Variants in FOXN3 observed in about 807,000 individuals in gnomAD.
FOXN3 encodes the protein forkhead box N3, also known as forkhead box protein N3.
Under a neutral mutation model 38.4 loss-of-function variants are expected in FOXN3, and 7 were observed. The observed-to-expected ratio is 0.18, with a 90% CI of 0.10 to 0.34. The LOEUF (loss-of-function observed/expected upper bound fraction) is 0.34. FOXN3 is among the 10% of genes least tolerant of loss of function. The pLI, the probability that FOXN3 is intolerant of heterozygous loss-of-function variation, is 1.00. For synonymous variants in FOXN3, 230 were observed against 242.2 expected (o/e 0.95, Z 0.47); for missense variants, 456 against 613.4 (o/e 0.74, Z 2.71).
At chr14:89,261,981 G>A (rs1885821377) in intron 4 of FOXN3, among the ~76,000 whole-genome samples, 1 of 152,098 alleles carries the variant, frequency 6.6e-6, no homozygotes. Context: ...GTGGGCACCT[G>A]TAGTCCCAGC....
intron 2 of FOXN3, among the ~76,000 whole-genome samples, chr14:89,402,340 C>T (rs1891271504): frequency 6.6e-6 from 1 of 152,180 alleles, no homozygotes; most frequent in Non-Finnish European, 1.5e-5. Flanking sequence ...TCCAACAGTC[C>T]CTATTCTTAT....
intron 3 of FOXN3, among the ~76,000 whole-genome samples, chr14:89,334,479 G>T (rs4899982): frequency 0.16 from 24,999 of 151,542 alleles, 2,184 homozygotes; most frequent in Middle Eastern, 0.23. Context: ...GTGTGGTGGT[G>T]CACACCTGTA....
In FOXN3 at chr14:89,162,850, C is replaced by T. The variant is rs149662874; in HGVS notation, c.971G>A (p.Arg324Gln). 1,342 of 1,611,586 alleles carry T rather than the reference C, an allele frequency of 8.3e-4. 6 individuals carry two copies. The highest frequency in any genetic ancestry group is 6.6e-4 in the Middle Eastern group (4 of 6,058). ...NYSSAKSSNA[R>Q]STSPTSDSIS... ...GGAGTCGCTGGTGGGCGAGGTGCTC[C>T]GGGCGTTGGAGGACTTGGCACTGCT... Residue 324 changes from arginine to glutamine, a missense_variant, in exon 6 of 6, where the codon CGG (arginine) becomes CAG (glutamine). Around this residue, in one of 3 missense-constraint regions of FOXN3, gnomAD observed 386 missense variants for 505.2 expected, o/e 0.76. Coordinates refer to ENST00000557258, the MANE Select transcript of FOXN3 (RefSeq NM_005197.4). The surrounding 1 kb of genome is among the most constrained non-coding windows in gnomAD (Gnocchi z 7.2).
At position 89,374,290 on chromosome 14, in the gene FOXN3, A is replaced by AAAAG. The variant is rs60304712; in HGVS notation, c.544-23483_544-23482insCTTT. On this transcript the variant is annotated intron_variant, in intron 2 of 5. Coordinates refer to ENST00000557258, the MANE Select transcript of FOXN3 (RefSeq NM_005197.4). ...AAAAAAAAAAAAAAAAAAAAAAAAA[A>AAAAG]GAAGGAAGGAAAGGAAAAGAAAAAG... 7.8e-4 allele frequency among the ~76,000 whole-genome samples: 99 copies of AAAAG among 126,206 alleles called. 3 individuals carry two copies. The highest frequency in any genetic ancestry group is 1.6e-3 in the East Asian group (6 of 3,706). The allele number at this position is 126,206 out of a possible 152,430, so 82.8% of individuals were successfully genotyped here. A position where few individuals can be genotyped will look rare whatever the true frequency, so the allele number is the denominator to read the frequency against.
At chr14:89,511,216 TTTC>T (rs1335060308) in intron 1 of FOXN3, among the ~76,000 whole-genome samples, 307 of 12,726 alleles carry the variant, frequency 0.024, 80 homozygotes, top group Non-Finnish European at 0.072. Context: ...TCTTTCTTTC[TTTC>T]TTTCTTTCTT....
At chr14:89,226,441 A>T (rs1200398275) in intron 4 of FOXN3, among the ~76,000 whole-genome samples, 1 of 152,102 alleles carries the variant, frequency 6.6e-6, no homozygotes, top group Non-Finnish European at 1.5e-5. Flanking sequence ...ACGCCCAGGT[A>T]AGTTTTAAAT....
chr14:89,524,407 A>AAAAAAAAAAAAAAAAAAAAAAAT (rs1894392397), intron 1 of FOXN3, among the ~76,000 whole-genome samples: 1 of 136,406 alleles, frequency 7.3e-6, no homozygotes, highest in Non-Finnish European at 1.6e-5. Context: ...AAAAAAAGAA[A>AAAAAAAAAAAAAAAAAAAAAAAT]GAAAGAAACT....
intron 5 of FOXN3, among the ~76,000 whole-genome samples, chr14:89,177,752 T>C (rs1345274719): frequency 1.3e-5 from 2 of 151,916 alleles, no homozygotes; most frequent in East Asian, 3.9e-4. Flanking sequence ...CAGTTTGCAG[T>C]TTTTCCAGCA....
intron 3 of FOXN3, among the ~76,000 whole-genome samples, chr14:89,325,270 A>T (rs1888026768): frequency 7.0e-6 from 1 of 142,858 alleles, no homozygotes; most frequent in African/African-American, 2.7e-5. Context: ...CACCACCATC[A>T]CCAACACCAA....
chr14:89,225,301 T>G (rs1053693141), intron 4 of FOXN3, among the ~76,000 whole-genome samples: 1 of 151,500 alleles, frequency 6.6e-6, no homozygotes, highest in Non-Finnish European at 1.5e-5. Flanking sequence ...TGAGACTGTC[T>G]CTGAAAAATA....
intron 2 of FOXN3, among the ~76,000 whole-genome samples, chr14:89,398,043 C>T (rs1891146101): frequency 6.6e-6 from 1 of 152,164 alleles, no homozygotes; most frequent in African/African-American, 2.4e-5. Flanking sequence ...TAATAAAATG[C>T]TGTCTTCAGG....
intron 1 of FOXN3, among the ~76,000 whole-genome samples, chr14:89,563,531 CAGG>C (rs1895290165): frequency 6.6e-6 from 1 of 152,156 alleles, no homozygotes; most frequent in African/African-American, 2.4e-5. Flanking sequence ...GACCTTCACT[CAGG>C]AGGAGATCAC....
At chr14:89,409,101 C>T (rs1269072851) in intron 2 of FOXN3, among the ~76,000 whole-genome samples, 6 of 152,232 alleles carry the variant, frequency 3.9e-5, no homozygotes, top group African/African-American at 1.4e-4. Flanking sequence ...GAAAAACTCA[C>T]ACCTCTTGCT....
chr14:89,239,182 T>C (rs1457664953), intron 4 of FOXN3, among the ~76,000 whole-genome samples: 1 of 152,186 alleles, frequency 6.6e-6, no homozygotes, highest in African/African-American at 2.4e-5. Flanking sequence ...CCACAAGAGC[T>C]GAATTGGTAT....
At chr14:89,556,175 G>A (rs531669154) in intron 1 of FOXN3, among the ~76,000 whole-genome samples, 51 of 152,088 alleles carry the variant, frequency 3.4e-4, no homozygotes, top group South Asian at 2.3e-3. Flanking sequence ...AGGCTGGGGC[G>A]GGGGGATCAC....
At chr14:89,514,090 C>T (rs113350343) in intron 1 of FOXN3, among the ~76,000 whole-genome samples, 3,259 of 152,182 alleles carry the variant, frequency 0.021, 134 homozygotes, top group African/African-American at 0.075. Flanking sequence ...TGATGACGCT[C>T]ATCTTGAAAG....
At chr14:89,221,486 A>C (rs1884459670) in intron 4 of FOXN3, among the ~76,000 whole-genome samples, 1 of 152,230 alleles carries the variant, frequency 6.6e-6, no homozygotes, top group South Asian at 2.1e-4. Context: ...CAGATTTGTG[A>C]TATATGAAGC....
Position 89,493,375 on chromosome 14 carries a change from G to A in FOXN3, c.-14-80885C>T, listed in dbSNP as rs544393580. 1.1e-4 allele frequency among the ~76,000 whole-genome samples: 16 copies of A among 152,260 alleles called. No homozygotes were observed. In the East Asian group the frequency reaches 2.5e-3, roughly 24 times the overall value. ...CCTAGGCTGCTATTCAAAAGTAGGG[G>A]TCTAGCAGGCAAATAAATACTCATT... On this transcript the variant is annotated intron_variant, in intron 1 of 6. Transcript: ENST00000345097.
chr14:89,229,089 A>G (rs1884724578), intron 4 of FOXN3, among the ~76,000 whole-genome samples: 1 of 152,188 alleles, frequency 6.6e-6, no homozygotes, highest in African/African-American at 2.4e-5. Context: ...GCCCTGACAA[A>G]TGGGGTTTAT....
Sources: gnomAD v4.1 joint callset for allele counts (sites outside exome capture counted in the v4.1 genomes callset) on GRCh38, gnomAD v4.1.1 for gene constraint, gnomAD v4.1.1 regional missense constraint, Gnocchi (gnomAD v3.1) non-coding constraint, MANE v1.5 for transcripts, NCBI Gene and HGNC (gene_info 2026-07-23, HGNC 2026-07-21) for gene names.